DHX9: variants seen among roughly 807,000 people sequenced by gnomAD.
DHX9 encodes ATP-dependent RNA helicase A.
Under a neutral mutation model 148.7 loss-of-function variants are expected in DHX9, and 27 were observed. The ratio of observed to expected loss-of-function variants is 0.18; its 90% CI spans 0.13 to 0.25. The LOEUF (loss-of-function observed/expected upper bound fraction) is 0.25, where lower values mean the gene tolerates loss of function less well. Ranked by LOEUF, DHX9 falls within the 10% of genes least tolerant of loss-of-function variation. DHX9 has a pLI of 1.00. For synonymous variants in DHX9, 529 were observed against 516.6 expected, an observed-to-expected ratio of 1.02 and a Z score of -0.33; for missense variants, 796 against 1,559.6, an observed-to-expected ratio of 0.51 and a Z score of 8.25.
In DHX9 at chr1:182,859,128, A is replaced by G. The variant is rs1157833566; in HGVS notation, c.1140+11A>G. 5.6e-6 allele frequency: 9 copies of G among 1,611,540 alleles called. No homozygotes were observed. The highest frequency in any genetic ancestry group is 6.8e-6 in the Non-Finnish European group (8 of 1,177,888). On this transcript the variant is annotated intron_variant, in intron 11 of 27. Transcript: ENST00000367549. The stretch of plus-strand genomic sequence containing the variant: ...CATGATTTGCAAGCAGTAAGTCTGA[A>G]TTATTTAGACAAGTAGTGCTCAGAG...
chr1:182,887,275 T>C lies in DHX9; in HGVS notation c.3654T>C (p.Tyr1218=), dbSNP rs1649376185. ...AGYGAGVGGG[Y]RGVSRGGFRG... is the part of the protein sequence containing the mutation. The stretch of plus-strand genomic sequence containing the variant: ...ATGGTGCAGGTGTTGGTGGAGGCTA[T>C]AGAGGAGTTTCCCGAGGTGGCTTTA... Residue 1218 remains tyrosine (Y), a synonymous_variant, in exon 28 of 28, where the codon TAT becomes TAC. Transcript: ENST00000367549. 1 of 1,614,008 alleles carries C rather than the reference T, an allele frequency of 6.2e-7. No homozygotes were observed.
At chr1:182,869,375 A>G (rs1648448075) in intron 14 of DHX9, among the ~76,000 whole-genome samples, 1 of 151,662 alleles carries the variant, frequency 6.6e-6, no homozygotes, top group African/African-American at 2.4e-5. Flanking sequence ...TCTAGTCCGG[A>G]TAGGTCTTGT....
chr1:182,884,741 G>A lies in DHX9; in HGVS notation c.3389G>A (p.Arg1130His), dbSNP rs778806922. 22 of 1,613,992 alleles carry A rather than the reference G, an allele frequency of 1.4e-5. No individual in the cohort carries two copies. Among genetic ancestry groups the A allele is most frequent in the Middle Eastern group, 1.6e-4 (1 of 6,084 alleles). Reference protein sequence around the residue: ...IISQLDPVNERMLNMIRQISR... With the variant: ...IISQLDPVNEHMLNMIRQISR... The stretch of plus-strand genomic sequence containing the variant: ...AGCCAGTTGGACCCCGTAAATGAAC[G>A]TATGCTGAACATGATCCGTCAGATC... Residue 1130 changes from arginine (R) to histidine (H), a missense_variant, in exon 27 of 28, where the codon CGT becomes CAT. By Grantham distance (29) the Arg-to-His change is conservative. Transcript: ENST00000367549.
In DHX9 at chr1:182,858,797, A is replaced by T; in HGVS notation, c.965A>T (p.Gln322Leu). The change falls in exon 10 of 28, where the codon CAG becomes CTG. Residue 322 changes from glutamine (Q) to leucine (L), a missense_variant. Around this residue, in one of 14 missense-constraint regions of DHX9, gnomAD observed 63 missense variants for 78.6 expected, o/e 0.80. Transcript: ENST00000367549. ...AAATTGGCTCAGTTCGAACCATCTC[A>T]GCGACAAAACCAAGTGGGTGTGGTT... Reference protein sequence around the residue: ...IGKLAQFEPSQRQNQVGVVPW... With the variant: ...IGKLAQFEPSLRQNQVGVVPW... 6.2e-7 allele frequency: 1 copy of T among 1,613,936 alleles called. No homozygotes were observed. Among genetic ancestry groups the T allele is most frequent in the Non-Finnish European group, 8.5e-7 (1 of 1,179,850 alleles).
rs1452423448 is a variant in DHX9 at position 182,884,692 on chromosome 1, G to A, written c.3340G>A (p.Val1114Ile). ...RAAMEALVVE[V>I]TKQPAIISQL... ...AGCCATGGAGGCTTTGGTTGTTGAA[G>A]TAACCAAACAACCTGCTATCATCAG... Residue 1114 changes from valine to isoleucine, a missense_variant, in exon 27 of 28, where the codon GTA (valine) becomes ATA (isoleucine). Val to Ile is a conservative substitution (Grantham distance 29). This residue lies in a region of DHX9 where 86 missense variants were observed against 156.3 expected (regional missense o/e 0.55). Coordinates refer to ENST00000367549, the MANE Select transcript of DHX9 (RefSeq NM_001357.5). The A allele has an allele frequency of 1.9e-6, 3 of 1,614,108 alleles. No homozygotes were observed. The highest frequency in any genetic ancestry group is 1.7e-6 in the Non-Finnish European group (2 of 1,180,014).
rs1054272901 is a variant in DHX9, at chr1:182,859,071, A to G, written c.1094A>G (p.Lys365Arg). 3 of 1,614,202 alleles carry G rather than the reference A, an allele frequency of 1.9e-6. No individual in the cohort carries two copies. Among genetic ancestry groups the G allele is most frequent in the Non-Finnish European group, 2.5e-6 (3 of 1,180,034 alleles). Residue 365 changes from lysine (K) to arginine (R), a missense_variant, in exon 11 of 28, where the codon AAG (lysine) becomes AGG (arginine). By Grantham distance (26) the Lys-to-Arg change is conservative. Coordinates refer to ENST00000367549, the MANE Select transcript of DHX9 (RefSeq NM_001357.5). ...CCAGAGCAAATAAGCATGGACCTCA[A>G]GAATGAATTGATGTACCAGTTGGAA... ...ATPEQISMDLKNELMYQLEQD... is the reference protein window; with the variant it reads ...ATPEQISMDLRNELMYQLEQD...
intron 15 of DHX9, 57 bp downstream of exon 15, chr1:182,872,550 T>G (rs1373817276): frequency 1.8e-5 from 28 of 1,529,182 alleles, no homozygotes; most frequent in Non-Finnish European, 2.5e-5. Flanking sequence ...TTGTATTTTC[T>G]TAATCCTGGA....
At chr1:182,842,518 G>A (rs753620922) in intron 1 of DHX9, 27 bp from the exon 2 acceptor site, 33 of 1,445,320 alleles carry the variant, frequency 2.3e-5, no homozygotes, top group Non-Finnish European at 3.1e-5. Context: ...TATAAATGCT[G>A]TTTTTAACTG....
chr1:182,859,901 G>A lies in DHX9; in HGVS notation c.1141-92G>A, dbSNP rs1051765253. ...TTACAGGCGTGAGCCACCGCGCCCA[G>A]TCTATAGAGATGGAAGTTTTTTAAA... On this transcript the variant is annotated intron_variant, in intron 11 of 27. Coordinates refer to ENST00000367549, the MANE Select transcript of DHX9 (RefSeq NM_001357.5). 3.0e-6 allele frequency: 4 copies of A among 1,320,302 alleles called. No homozygotes were observed. In the East Asian group the frequency reaches 7.1e-5, roughly 23 times the overall value. The allele number at this position is 1,320,302 out of a possible 1,614,324, so 81.8% of individuals were successfully genotyped here.
At chr1:182,861,232 T>G (rs1668357977) in intron 12 of DHX9, among the ~76,000 whole-genome samples, 1 of 152,192 alleles carries the variant, frequency 6.6e-6, no homozygotes, top group African/African-American at 2.4e-5. Context: ...TGTTGCATCC[T>G]AAGGCTGATG....
intron 14 of DHX9, among the ~76,000 whole-genome samples, chr1:182,867,475 T>C (rs1648350388): frequency 6.6e-6 from 1 of 152,306 alleles, no homozygotes; most frequent in South Asian, 2.1e-4. Flanking sequence ...CGATCTCAGC[T>C]CACAGCAACC....
chr1:182,865,052 C>T (rs1180720941), intron 12 of DHX9, among the ~76,000 whole-genome samples: 1 of 151,964 alleles, frequency 6.6e-6, no homozygotes, highest in Non-Finnish European at 1.5e-5. Flanking sequence ...TTTCTAGAAG[C>T]CAGCTGTTAG....
chr1:182,856,387 C>T (rs1326417887), intron 6 of DHX9, 145 bp from the exon 7 acceptor site: 11 of 644,212 alleles, frequency 1.7e-5, no homozygotes, highest in Non-Finnish European at 2.8e-5. Context: ...TTCATTTGTT[C>T]TAGGGTTGGG....
intron 12 of DHX9, among the ~76,000 whole-genome samples, chr1:182,861,364 CTTACAG>C (rs1668360665): frequency 1.3e-5 from 2 of 152,134 alleles, no homozygotes; most frequent in African/African-American, 4.8e-5. Flanking sequence ...GATTTTTTGA[CTTACAG>C]TGAAGGCTGC....
intron 12 of DHX9, among the ~76,000 whole-genome samples, chr1:182,865,928 C>A (rs1194387971): frequency 6.6e-6 from 1 of 152,156 alleles, no homozygotes; most frequent in African/African-American, 2.4e-5. Flanking sequence ...GCAATACACA[C>A]AGTTTTTCCT....
At chr1:182,860,305 T>TA (rs1335269962) in intron 12 of DHX9, 121 bp downstream of exon 12, 1 of 887,344 alleles carries the variant, frequency 1.1e-6, no homozygotes, top group Non-Finnish European at 1.6e-6. Context: ...AAATTAAATT[T>TA]AAAAAAAGAA....
chr1:182,842,715 A>G, intron 2 of DHX9, 38 bp downstream of exon 2: 1 of 1,522,650 alleles, frequency 6.6e-7, no homozygotes, highest in Non-Finnish European at 9.0e-7. Context: ...GTGATTTATG[A>G]GGTTCATTTT....
chr1:182,860,548 G>C (rs902966237), intron 12 of DHX9, among the ~76,000 whole-genome samples: 1 of 152,160 alleles, frequency 6.6e-6, no homozygotes, highest in Non-Finnish European at 1.5e-5. Context: ...AACTTTCACT[G>C]TATGCCATGT....
chr1:182,840,453 C>T (rs1667903026), intron 1 of DHX9, among the ~76,000 whole-genome samples: 1 of 152,076 alleles, frequency 6.6e-6, no homozygotes, highest in African/African-American at 2.4e-5. Flanking sequence ...GCGCGCGCCA[C>T]CACGCCCAGC....
Sources: gnomAD v4.1 joint callset for allele counts (sites outside exome capture counted in the v4.1 genomes callset) on GRCh38, gnomAD v4.1.1 for gene constraint, gnomAD v4.1.1 regional missense constraint, MANE v1.5 for transcripts, NCBI Gene and HGNC (gene_info 2026-07-23, HGNC 2026-07-21) for gene names.